Variants in NBAS observed in about 807,000 individuals in gnomAD.
NBAS encodes NBAS subunit of NRZ tethering complex.
In NBAS, 219 loss-of-function variants were observed where a neutral mutation model predicts 302.5. That is an observed-to-expected ratio of 0.72 (90% CI 0.65 to 0.81). The LOEUF is 0.81. Among genes scored for constraint, NBAS ranks in the 30% least tolerant of loss-of-function variants. The probability of loss-of-function intolerance (pLI) is 0.00; values close to 1 mark genes in which losing one functional copy is unlikely to be tolerated. For missense variants in NBAS, 2,932 were observed against 2,841.6 expected (o/e 1.03, Z -0.72); for synonymous variants, 1,118 against 1,021.6 (o/e 1.09, Z -1.80).
At position 15,257,749 on chromosome 2, in the gene NBAS, T is replaced by C. The variant is rs374066544; in HGVS notation, c.5724+17735A>G. On this transcript the variant is annotated intron_variant, in intron 44 of 51. Transcript: ENST00000281513. ...CTGATAAATCATTAAAAATTAATTTTTAACAAAAGTTTGCTATATGATTTT... is the reference window on the plus strand; with the variant it reads ...CTGATAAATCATTAAAAATTAATTTCTAACAAAAGTTTGCTATATGATTTT... Among the ~76,000 whole-genome samples the C allele has an allele frequency of 6.6e-4, 101 of 152,312 alleles. 1 individual carries two copies. In the East Asian group the frequency reaches 0.013, roughly 19 times the overall value.
intron 21 of NBAS, among the ~76,000 whole-genome samples, chr2:15,442,564 T>A (rs1437542182): frequency 6.6e-6 from 1 of 151,900 alleles, no homozygotes; most frequent in Non-Finnish European, 1.5e-5. Flanking sequence ...AGATCCCAAA[T>A]TGACACCTTA....
At chr2:15,315,109 A>G (rs1671447268) in intron 38 of NBAS, among the ~76,000 whole-genome samples, 1 of 152,218 alleles carries the variant, frequency 6.6e-6, no homozygotes, top group Admixed American at 6.5e-5. Flanking sequence ...CACTTGTCAC[A>G]ATCTGTACAA....
the NBAS span, among the ~76,000 whole-genome samples, chr2:15,034,418 C>A: frequency 7.2e-5 from 11 of 152,198 alleles, no homozygotes; most frequent in African/African-American, 2.2e-4. Flanking sequence ...GGGCCCTCAC[C>A]AGAATCAAAA....
the NBAS span, among the ~76,000 whole-genome samples, chr2:15,034,235 G>GGAAATAAAGAAAGAAAGAAA: frequency 1.2e-5 from 1 of 81,636 alleles, no homozygotes; most frequent in Non-Finnish European, 2.6e-5. Context: ...AAAGAAAGAA[G>GGAAATAAAGAAAGAAAGAAA]GAAAGAAAGA....
the NBAS span, among the ~76,000 whole-genome samples, chr2:14,854,066 G>GTAT: frequency 9.5e-5 from 14 of 147,020 alleles, no homozygotes; most frequent in African/African-American, 3.3e-4. Context: ...AAAACTTAAA[G>GTAT]TATAATAAAA....
the NBAS span, among the ~76,000 whole-genome samples, chr2:15,081,139 A>C: frequency 1.3e-5 from 2 of 152,074 alleles, no homozygotes; most frequent in Non-Finnish European, 2.9e-5. Flanking sequence ...GCAAAGCAAA[A>C]ACCTTTTTCC....
chr2:15,261,761 A>C (rs1668863664), intron 44 of NBAS, among the ~76,000 whole-genome samples: 1 of 152,226 alleles, frequency 6.6e-6, no homozygotes, highest in Non-Finnish European at 1.5e-5. Context: ...TGAAATCAGT[A>C]ATAAATACAT....
In NBAS at chr2:15,426,598, AT is replaced by A. The variant is rs139007051; in HGVS notation, c.2423+1112del. Among the ~76,000 whole-genome samples the A allele has an allele frequency of 4.3e-3, 650 of 152,210 alleles. 6 individuals are homozygous for A. Among genetic ancestry groups the A allele is most frequent in the African/African-American group, 0.015 (618 of 41,542 alleles). ...AACTATCACATTTTTAATGTCCTAA[AT>A]TTCTCTTAATTCTGTTTCTATTTTA... On this transcript the variant is annotated intron_variant, in intron 22 of 51. Coordinates refer to ENST00000281513, the MANE Select transcript of NBAS (RefSeq NM_015909.4).
At chr2:15,196,657 A>C (rs1216107269) in intron 48 of NBAS, among the ~76,000 whole-genome samples, 1 of 152,200 alleles carries the variant, frequency 6.6e-6, no homozygotes, top group Admixed American at 6.5e-5. Flanking sequence ...AAATCCCTAT[A>C]CATGATGTGA....
At chr2:15,300,489 AAACATCC>A (rs1670748757) in intron 40 of NBAS, among the ~76,000 whole-genome samples, 1 of 152,198 alleles carries the variant, frequency 6.6e-6, no homozygotes, top group African/African-American at 2.4e-5. Flanking sequence ...TATATACTTA[AAACATCC>A]AACATCCAAC....
downstream of NBAS, among the ~76,000 whole-genome samples, chr2:15,165,024 C>T (rs1663980443): frequency 6.6e-6 from 1 of 152,200 alleles, no homozygotes; most frequent in South Asian, 2.1e-4. Context: ...CCCTCTGGGC[C>T]TCAGTCTACT....
intron 13 of NBAS, among the ~76,000 whole-genome samples, chr2:15,476,886 T>C (rs146746351): frequency 5.3e-5 from 8 of 152,244 alleles, no homozygotes; most frequent in Non-Finnish European, 7.3e-5. Context: ...ACAACATATT[T>C]AAACATTAGA....
chr2:15,255,688 A>G (rs1668562001), intron 44 of NBAS, among the ~76,000 whole-genome samples: 1 of 152,114 alleles, frequency 6.6e-6, no homozygotes, highest in Non-Finnish European at 1.5e-5. Context: ...CAGGTGTTAG[A>G]TTTAAGTCCT....
In NBAS at chr2:15,326,371, C is replaced by T. The variant is rs115248127; in HGVS notation, c.4582+1379G>A. On this transcript the variant is annotated intron_variant, in intron 38 of 51. Coordinates refer to ENST00000281513, the MANE Select transcript of NBAS (RefSeq NM_015909.4). ...TTTATAGACTAAATAATAAAAATATCGTATAAACCAATGTTTGCGAATGTT... is the reference window on the plus strand; with the variant it reads ...TTTATAGACTAAATAATAAAAATATTGTATAAACCAATGTTTGCGAATGTT... Among the ~76,000 whole-genome samples the T allele has an allele frequency of 9.1e-3, 1,385 of 152,188 alleles. 23 individuals are homozygous for T. Among genetic ancestry groups the T allele is most frequent in the African/African-American group, 0.03 (1,231 of 41,502 alleles).
At chr2:14,845,889 CAAAG>C in the NBAS span, among the ~76,000 whole-genome samples, 2 of 151,114 alleles carry the variant, frequency 1.3e-5, no homozygotes, top group Non-Finnish European at 2.9e-5. Flanking sequence ...GAATAAAAAA[CAAAG>C]AAGCAAGCCT....
the NBAS span, among the ~76,000 whole-genome samples, chr2:15,054,576 G>A: frequency 2.2e-4 from 34 of 152,300 alleles, no homozygotes; most frequent in Non-Finnish European, 4.6e-4. Flanking sequence ...ACTCCATAAC[G>A]TTATGGTTTA....
At chr2:15,368,196 T>C (rs1439987060) in intron 31 of NBAS, among the ~76,000 whole-genome samples, 2 of 139,664 alleles carry the variant, frequency 1.4e-5, no homozygotes, top group Non-Finnish European at 3.1e-5. Flanking sequence ...TTTGACTTTT[T>C]TTTTTTTTTT....
chr2:15,281,664 G>A (rs1669831095), intron 42 of NBAS, among the ~76,000 whole-genome samples: 1 of 152,160 alleles, frequency 6.6e-6, no homozygotes, highest in African/African-American at 2.4e-5. Flanking sequence ...GGCTTAAAGA[G>A]ATAAAACAAC....
chr2:15,538,463 C>T, intron 7 of NBAS: 1 of 293,516 alleles, frequency 3.4e-6, no homozygotes, highest in South Asian at 3.1e-5. Flanking sequence ...ATATTAATAC[C>T]CAGGCCCCAC....
Sources: allele counts gnomAD v4.1 joint callset (sites outside exome capture counted in the v4.1 genomes callset), GRCh38; gene constraint gnomAD v4.1.1; transcripts MANE v1.5; gene names NCBI Gene and HGNC (gene_info 2026-07-23, HGNC 2026-07-21).